NELL1: variants seen among roughly 807,000 people sequenced by gnomAD.
The protein encoded by NELL1 is protein kinase C-binding protein NELL1.
In NELL1, 76 loss-of-function variants were observed where a neutral mutation model predicts 107.4. The observed-to-expected ratio is 0.71, with a 90% CI of 0.59 to 0.86. The LOEUF (loss-of-function observed/expected upper bound fraction) is 0.86, where lower values mean the gene tolerates loss of function less well. NELL1 is among the 40% of genes least tolerant of loss of function. The pLI is 0.00. For synonymous variants in NELL1, 353 were observed against 341.2 expected, an observed-to-expected ratio of 1.03 and a Z score of -0.38; for missense variants, 1,024 against 1,005.5, an observed-to-expected ratio of 1.02 and a Z score of -0.25.
intron 10 of NELL1, among the ~76,000 whole-genome samples, chr11:20,942,049 C>G (rs902109164): frequency 6.6e-6 from 1 of 152,136 alleles, no homozygotes; most frequent in Non-Finnish European, 1.5e-5. Context: ...CTTTTCAACA[C>G]ACCTCTTGGA....
chr11:21,144,365 T>C (rs542638457), intron 13 of NELL1, among the ~76,000 whole-genome samples: 83 of 152,302 alleles, frequency 5.4e-4, no homozygotes, highest in African/African-American at 1.9e-3. Flanking sequence ...GTCAACTAAT[T>C]TGAGGTATGT....
intron 15 of NELL1, among the ~76,000 whole-genome samples, chr11:21,391,735 C>T (rs995860591): frequency 1.3e-5 from 2 of 151,870 alleles, no homozygotes; most frequent in African/African-American, 4.8e-5. Context: ...GCCGGGCTCA[C>T]GTGATCTTCT....
intron 14 of NELL1, among the ~76,000 whole-genome samples, chr11:21,346,081 T>C (rs1159009386): frequency 6.6e-6 from 1 of 152,194 alleles, no homozygotes; most frequent in East Asian, 1.9e-4. Flanking sequence ...CACCTTGGAT[T>C]TTTTGGTTCC....
intron 13 of NELL1, among the ~76,000 whole-genome samples, chr11:21,134,391 G>A (rs1308705242): frequency 6.6e-6 from 1 of 152,150 alleles, no homozygotes; most frequent in East Asian, 1.9e-4. Flanking sequence ...AAAGCATAGA[G>A]GAAGAAAGAT....
chr11:20,837,043 A>G lies in NELL1; in HGVS notation c.336-10540A>G, dbSNP rs145309179. ...AACTGTATTATAAATGTGTGAAATA[A>G]CCTCAACAACGGGGATTGGGGAAAT... On this transcript the variant is annotated intron_variant, in intron 3 of 19. Coordinates refer to ENST00000357134, the MANE Select transcript of NELL1 (RefSeq NM_006157.5). 2.4e-3 allele frequency among the ~76,000 whole-genome samples: 371 copies of G among 152,234 alleles called. 1 individual carries two copies. The highest frequency in any genetic ancestry group is 8.5e-3 in the African/African-American group (352 of 41,556).
intron 13 of NELL1, among the ~76,000 whole-genome samples, chr11:21,137,706 C>A (rs963776500): frequency 6.6e-5 from 10 of 152,148 alleles, no homozygotes; most frequent in African/African-American, 2.4e-4. Context: ...CTTAAGGCAT[C>A]ATTTCAGGCA....
chr11:20,879,244 T>C (rs1291146017), intron 4 of NELL1, among the ~76,000 whole-genome samples: 4 of 152,116 alleles, frequency 2.6e-5, no homozygotes, highest in Non-Finnish European at 5.9e-5. Context: ...AGCTACCGTG[T>C]CACATGCTGA....
intron 13 of NELL1, among the ~76,000 whole-genome samples, chr11:21,127,267 T>G (rs762387464): frequency 3.3e-5 from 5 of 152,018 alleles, no homozygotes; most frequent in Admixed American, 6.6e-5. Context: ...AATAGTATAT[T>G]AATACTATAG....
intron 13 of NELL1, among the ~76,000 whole-genome samples, chr11:21,188,795 A>G (rs988674379): frequency 6.6e-6 from 1 of 151,812 alleles, no homozygotes; most frequent in Admixed American, 6.6e-5. Context: ...AATTCTTTCC[A>G]GTATAAATCT....
At chr11:21,350,761 C>T (rs1850791182) in intron 14 of NELL1, among the ~76,000 whole-genome samples, 1 of 152,038 alleles carries the variant, frequency 6.6e-6, no homozygotes, top group African/African-American at 2.4e-5. Context: ...ATCTATTAGG[C>T]TAAACAGATC....
intron 3 of NELL1, among the ~76,000 whole-genome samples, chr11:20,790,412 G>C (rs1857050658): frequency 6.6e-6 from 1 of 152,218 alleles, no homozygotes; most frequent in African/African-American, 2.4e-5. Context: ...CCCCGACTTT[G>C]CTCAAAGATT....
intron 14 of NELL1, among the ~76,000 whole-genome samples, chr11:21,313,992 G>GCA (rs1849809525): frequency 1.8e-5 from 1 of 55,578 alleles, no homozygotes; most frequent in Admixed American, 2.5e-4. Context: ...CCTACACTCT[G>GCA]CCCCCCCCCC....
intron 16 of NELL1, among the ~76,000 whole-genome samples, chr11:21,552,486 G>A (rs1003152159): frequency 6.7e-6 from 1 of 148,914 alleles, no homozygotes; most frequent in East Asian, 2.0e-4. Context: ...ACCTCCCTTA[G>A]GGTAAGAAAC....
At chr11:20,727,016 T>G (rs546495089) in intron 2 of NELL1, among the ~76,000 whole-genome samples, 1 of 152,328 alleles carries the variant, frequency 6.6e-6, no homozygotes, top group East Asian at 1.9e-4. Flanking sequence ...TTTGGGTTGG[T>G]TCCAAGTTTT....
intron 14 of NELL1, among the ~76,000 whole-genome samples, chr11:21,337,739 T>TCTTC (rs1555006077): frequency 3.3e-5 from 2 of 61,074 alleles, no homozygotes; most frequent in East Asian, 1.4e-3. Flanking sequence ...TTCTTTCCTT[T>TCTTC]CTTTCTTTCT....
At chr11:20,977,175 A>AT (rs533539796) in intron 12 of NELL1, among the ~76,000 whole-genome samples, 3 of 151,252 alleles carry the variant, frequency 2.0e-5, no homozygotes, top group African/African-American at 4.9e-5. Context: ...TAATTTAGGG[A>AT]TTTTTTTTCC....
At chr11:20,767,977 A>G (rs1193691669) in intron 2 of NELL1, among the ~76,000 whole-genome samples, 1 of 152,170 alleles carries the variant, frequency 6.6e-6, no homozygotes, top group Non-Finnish European at 1.5e-5. Context: ...AGAGAGAGAG[A>G]GACTTAGGGG....
intron 5 of NELL1, among the ~76,000 whole-genome samples, chr11:20,904,928 G>A (rs57303127): frequency 0.028 from 4,305 of 151,468 alleles, 118 homozygotes; most frequent in East Asian, 0.16. Flanking sequence ...TCCTGGGCTC[G>A]TGTAATCATC....
At chr11:21,530,500 G>T (rs925694909) in intron 15 of NELL1, among the ~76,000 whole-genome samples, 2 of 151,988 alleles carry the variant, frequency 1.3e-5, no homozygotes, top group South Asian at 4.1e-4. Flanking sequence ...CAAACCTTGG[G>T]TATTCGTCTG....
Sources: gnomAD v4.1 joint callset for allele counts (sites outside exome capture counted in the v4.1 genomes callset) on GRCh38, gnomAD v4.1.1 for gene constraint, MANE v1.5 for transcripts, NCBI Gene and HGNC (gene_info 2026-07-23, HGNC 2026-07-21) for gene names.